TRAPPC9: variants seen among roughly 807,000 people sequenced by gnomAD.
The protein encoded by TRAPPC9 is IKK2 binding protein.
TRAPPC9 carries 83 observed loss-of-function variants against 124.0 expected under a neutral mutation model. That is an observed-to-expected ratio of 0.67 (90% CI 0.56 to 0.80). The LOEUF (loss-of-function observed/expected upper bound fraction) is 0.80. Ranked by LOEUF, TRAPPC9 falls within the 30% of genes least tolerant of loss-of-function variation. The pLI is 0.00. For synonymous variants in TRAPPC9, 638 were observed against 617.5 expected, an observed-to-expected ratio of 1.03 and a Z score of -0.49; for missense variants, 1,302 against 1,508.3, an observed-to-expected ratio of 0.86 and a Z score of 2.27.
intron 17 of TRAPPC9, among the ~76,000 whole-genome samples, chr8:140,070,950 C>T (rs191839845): frequency 2.1e-4 from 32 of 152,288 alleles, no homozygotes; most frequent in Middle Eastern, 3.4e-3. Flanking sequence ...AGCAGAGGGA[C>T]GGGGGGCCCA....
At chr8:140,043,678 A>G (rs1011956135) in intron 17 of TRAPPC9, among the ~76,000 whole-genome samples, 5 of 152,166 alleles carry the variant, frequency 3.3e-5, no homozygotes, top group African/African-American at 1.2e-4. Flanking sequence ...GGCCAACACC[A>G]GTGTTTCTGA....
chr8:139,771,932 C>G (rs760654870), intron 21 of TRAPPC9, among the ~76,000 whole-genome samples: 18 of 152,204 alleles, frequency 1.2e-4, no homozygotes, highest in Non-Finnish European at 5.9e-5. Context: ...AAGTCTCCGC[C>G]CAGCATGGAT....
chr8:140,213,070 C>CA (rs71520260), intron 17 of TRAPPC9, among the ~76,000 whole-genome samples: 39,226 of 117,456 alleles, frequency 0.33, 6,460 homozygotes, highest in East Asian at 0.56. Flanking sequence ...GACTCTGTCT[C>CA]AAAAAAAAAA....
chr8:140,210,174 A>T (rs892833516), intron 17 of TRAPPC9, among the ~76,000 whole-genome samples: 2 of 152,174 alleles, frequency 1.3e-5, no homozygotes, highest in Non-Finnish European at 2.9e-5. Flanking sequence ...AGGGGCCGGA[A>T]CCGTGAATTC....
intron 5 of TRAPPC9, among the ~76,000 whole-genome samples, chr8:140,423,753 C>CAT (rs201205746): frequency 0.029 from 4,358 of 150,216 alleles, 209 homozygotes; most frequent in African/African-American, 0.095. Flanking sequence ...CATATATATA[C>CAT]ATATATATAT....
intron 1 of TRAPPC9, among the ~76,000 whole-genome samples, chr8:140,454,401 G>A (rs2071577367): frequency 6.6e-6 from 1 of 152,164 alleles, no homozygotes; most frequent in Non-Finnish European, 1.5e-5. Flanking sequence ...CACTTTGGGA[G>A]GCGGAGGCAG....
At chr8:140,435,348 A>G in intron 3 of TRAPPC9, 108 bp from the exon 4 acceptor site, 1 of 1,405,364 alleles carries the variant, frequency 7.1e-7, no homozygotes. Context: ...GTAACTAACA[A>G]TGATTTAAAC....
At chr8:139,905,869 C>T (rs1831325445) in intron 20 of TRAPPC9, among the ~76,000 whole-genome samples, 2 of 151,926 alleles carry the variant, frequency 1.3e-5, no homozygotes, top group African/African-American at 4.8e-5. Flanking sequence ...CCGAGGCGGG[C>T]GGATCACGAG....
At chr8:139,901,345 T>A (rs139415834) in intron 20 of TRAPPC9, among the ~76,000 whole-genome samples, 3 of 152,368 alleles carry the variant, frequency 2.0e-5, no homozygotes, top group African/African-American at 7.2e-5. Context: ...AAGACTGCTT[T>A]AAATGATTAA....
At chr8:139,797,224 C>T (rs1823161938) in intron 21 of TRAPPC9, among the ~76,000 whole-genome samples, 1 of 151,798 alleles carries the variant, frequency 6.6e-6, no homozygotes, top group African/African-American at 2.4e-5. Context: ...TGGTGGTGTT[C>T]TTAGAAACAC....
At chr8:140,161,856 T>C (rs1372528969) in intron 17 of TRAPPC9, among the ~76,000 whole-genome samples, 1 of 151,766 alleles carries the variant, frequency 6.6e-6, no homozygotes, top group African/African-American at 2.4e-5. Context: ...GCGCTACAGA[T>C]GCAGAGCAGG....
rs1203240143 is a variant in TRAPPC9, at chr8:140,216,999, AG to A, written c.2556+4459del. ...ACACGGTCCTCAGTGGACAAGGCTG[AG>A]TTACTGGCTTGTATGACAGCCCCCA... On this transcript the variant is annotated intron_variant, in intron 17 of 22. Transcript: ENST00000438773. The surrounding 1 kb of genome is among the most constrained non-coding windows in gnomAD (Gnocchi z 4.1). 6.6e-6 allele frequency among the ~76,000 whole-genome samples: 1 copy of A among 152,190 alleles called. No homozygotes were observed. Among genetic ancestry groups the A allele is most frequent in the Non-Finnish European group, 1.5e-5 (1 of 68,040 alleles).
chr8:140,433,080 A>G (rs2070704462), intron 4 of TRAPPC9, among the ~76,000 whole-genome samples: 1 of 152,084 alleles, frequency 6.6e-6, no homozygotes, highest in African/African-American at 2.4e-5. Flanking sequence ...AAGCGGGTGG[A>G]TCACTTGAGT....
intron 17 of TRAPPC9, among the ~76,000 whole-genome samples, chr8:140,115,433 A>C (rs58746192): frequency 2.0e-5 from 3 of 151,724 alleles, no homozygotes; most frequent in Non-Finnish European, 2.9e-5. Context: ...CACCTGGCGA[A>C]TTTTTTTGTA....
At chr8:140,047,055 G>C (rs993519219) in intron 17 of TRAPPC9, among the ~76,000 whole-genome samples, 20 of 152,208 alleles carry the variant, frequency 1.3e-4, no homozygotes, top group Non-Finnish European at 7.3e-5. Context: ...TGTCTGTGAG[G>C]TGTCCTGGAA....
intron 17 of TRAPPC9, chr8:140,099,312 T>C (rs1484794454): frequency 6.6e-6 from 1 of 150,556 alleles, no homozygotes; most frequent in African/African-American, 2.5e-5. Flanking sequence ...GCGAGGTCTC[T>C]GCGCAACTGC....
At chr8:140,314,091 T>C (rs940915369) in intron 9 of TRAPPC9, among the ~76,000 whole-genome samples, 1 of 152,212 alleles carries the variant, frequency 6.6e-6, no homozygotes, top group Admixed American at 6.5e-5. Flanking sequence ...CTAGAATTTG[T>C]TTATAAGGAA....
chr8:140,194,057 C>A (rs2062570412), intron 17 of TRAPPC9, among the ~76,000 whole-genome samples: 6 of 152,194 alleles, frequency 3.9e-5, no homozygotes, highest in Admixed American at 3.9e-4. Context: ...ATCATTGTAA[C>A]CCTAGCGCTC....
chr8:140,150,007 G>A (rs1355395679), intron 17 of TRAPPC9, among the ~76,000 whole-genome samples: 1 of 152,192 alleles, frequency 6.6e-6, no homozygotes, highest in Non-Finnish European at 1.5e-5. Flanking sequence ...AACATTTGTA[G>A]CCTCCATCCA....
Sources: allele counts gnomAD v4.1 joint callset (sites outside exome capture counted in the v4.1 genomes callset), GRCh38; gene constraint gnomAD v4.1.1; non-coding constraint Gnocchi (gnomAD v3.1); transcripts MANE v1.5; gene names NCBI Gene and HGNC (gene_info 2026-07-23, HGNC 2026-07-21).